KCTD3: variants seen among roughly 807,000 people sequenced by gnomAD.
KCTD3 encodes potassium channel tetramerization domain containing 3, also known as BTB/POZ domain-containing protein KCTD3.
In KCTD3, 41 loss-of-function variants were observed where a neutral mutation model predicts 85.8. The observed-to-expected ratio is 0.48, with a 90% CI of 0.37 to 0.62. The LOEUF (loss-of-function observed/expected upper bound fraction) is 0.62. Among genes scored for constraint, KCTD3 ranks in the 20% least tolerant of loss-of-function variants. KCTD3 has a pLI of 0.00. For synonymous variants in KCTD3, 338 were observed against 345.4 expected, an observed-to-expected ratio of 0.98 and a Z score of 0.24; for missense variants, 724 against 989.9, an observed-to-expected ratio of 0.73 and a Z score of 3.60.
rs1472506382 is a variant in KCTD3, at chr1:215,604,180, C to T, written c.1187C>T (p.Ala396Val). 4 of 1,613,458 alleles carry T rather than the reference C, an allele frequency of 2.5e-6. No homozygotes were observed. The highest frequency in any genetic ancestry group is 2.2e-5 in the East Asian group (1 of 44,870). ...IEIAYGTSSG[A>V]VRVIVQHPET... is the part of the protein sequence containing the mutation. ...ATCGCCTATGGTACGAGCTCTGGAGCAGTACGAGTGATTGTACAACACCCA... is the reference window on the plus strand; with the variant it reads ...ATCGCCTATGGTACGAGCTCTGGAGTAGTACGAGTGATTGTACAACACCCA... Residue 396 changes from alanine (A) to valine (V), a missense_variant, in exon 13 of 18, where the codon GCA becomes GTA. Physicochemically the swap from Ala to Val is moderately conservative, Grantham distance 64 (BLOSUM62 0). This residue lies in a region of KCTD3 where 146 missense variants were observed against 320.3 expected (regional missense o/e 0.46). Coordinates refer to ENST00000259154, the MANE Select transcript of KCTD3 (RefSeq NM_016121.5).
Position 215,592,743 on chromosome 1 carries a change from G to A in KCTD3, c.818-2613G>A, listed in dbSNP as rs115166450. On this transcript the variant is annotated intron_variant, in intron 9 of 17. Transcript: ENST00000259154. Reference sequence around the variant, plus strand: ...ATGACAACACTATCCAAAGAAAATTGTTAGGGCTGGTATATCCATGATAAA... The same window carrying A: ...ATGACAACACTATCCAAAGAAAATTATTAGGGCTGGTATATCCATGATAAA... 5.8e-3 allele frequency among the ~76,000 whole-genome samples: 886 copies of A among 152,274 alleles called. 5 individuals are homozygous for A. The highest frequency in any genetic ancestry group is 0.02 in the African/African-American group (843 of 41,550).
intron 15 of KCTD3, among the ~76,000 whole-genome samples, chr1:215,613,565 A>G (rs1406293558): frequency 6.6e-6 from 1 of 152,008 alleles, no homozygotes; most frequent in East Asian, 1.9e-4. Flanking sequence ...TTGTCATGAG[A>G]TCTTTGCCAG....
chr1:215,585,091 A>T (rs912179299), intron 8 of KCTD3, among the ~76,000 whole-genome samples: 10 of 152,166 alleles, frequency 6.6e-5, no homozygotes, highest in African/African-American at 2.2e-4. Flanking sequence ...CCAGACCCCC[A>T]AAAAAGAGTT....
At chr1:215,570,917 G>A (rs1659333736) in intron 1 of KCTD3, among the ~76,000 whole-genome samples, 1 of 152,154 alleles carries the variant, frequency 6.6e-6, no homozygotes, top group African/African-American at 2.4e-5. Flanking sequence ...GTAATTTTAA[G>A]TGTGTTAGTT....
At chr1:215,593,170 G>A (rs1466633470) in intron 9 of KCTD3, among the ~76,000 whole-genome samples, 2 of 152,056 alleles carry the variant, frequency 1.3e-5, no homozygotes, top group Non-Finnish European at 2.9e-5. Context: ...TGTATACAAC[G>A]TAAAATAATG....
At chr1:215,582,962 T>C in intron 8 of KCTD3, among the ~76,000 whole-genome samples, 1 of 152,206 alleles carries the variant, frequency 6.6e-6, no homozygotes, top group Non-Finnish European at 1.5e-5. Context: ...TCACATATCT[T>C]ATTAAGAGTT....
At chr1:215,603,889 G>T (rs1348238208) in intron 12 of KCTD3, among the ~76,000 whole-genome samples, 2 of 152,160 alleles carry the variant, frequency 1.3e-5, no homozygotes, top group African/African-American at 4.8e-5. Context: ...GAACCTAATA[G>T]TGCAAGGCAG....
In KCTD3 at chr1:215,620,452, G is replaced by A; in HGVS notation, c.2282G>A (p.Gly761Glu). Residue 761 changes from glycine to glutamate, a missense_variant, in exon 18 of 18, where the codon GGG becomes GAG. Coordinates refer to ENST00000259154, the MANE Select transcript of KCTD3 (RefSeq NM_016121.5). Reference protein sequence around the residue: ...IEFRKKGGFEGGGFLGRKKVP... With the variant: ...IEFRKKGGFEEGGFLGRKKVP... ...TTTAGGAAGAAAGGAGGATTTGAAG[G>A]GGGAGGATTCCTTGGAAGAAAGAAA... 6.2e-7 allele frequency: 1 copy of A among 1,613,734 alleles called. No homozygotes were observed. Among genetic ancestry groups the A allele is most frequent in the Non-Finnish European group, 8.5e-7 (1 of 1,179,738 alleles).
intron 10 of KCTD3, among the ~76,000 whole-genome samples, 170 bp from the exon 11 acceptor site, chr1:215,601,697 G>A (rs1303530656): frequency 6.6e-6 from 1 of 152,210 alleles, no homozygotes; most frequent in Non-Finnish European, 1.5e-5. Flanking sequence ...TAGCATGTTT[G>A]TGTATATGTG....
intron 1 of KCTD3, among the ~76,000 whole-genome samples, chr1:215,572,315 A>G (rs1659398832): frequency 6.6e-6 from 1 of 152,228 alleles, no homozygotes; most frequent in South Asian, 2.1e-4. Flanking sequence ...TTTAAGAAAA[A>G]ACAACATCTA....
intron 12 of KCTD3, among the ~76,000 whole-genome samples, chr1:215,603,476 G>A (rs1654908158): frequency 6.6e-6 from 1 of 152,102 alleles, no homozygotes; most frequent in Non-Finnish European, 1.5e-5. Context: ...AAAAGACACA[G>A]CTGAACCTTA....
At chr1:215,578,303 C>T (rs1659667301) in intron 6 of KCTD3, among the ~76,000 whole-genome samples, 1 of 152,080 alleles carries the variant, frequency 6.6e-6, no homozygotes, top group Non-Finnish European at 1.5e-5. Context: ...TTTTGTGAGC[C>T]AGAGGATCTC....
At chr1:215,591,838 G>C (rs1660239631) in intron 9 of KCTD3, among the ~76,000 whole-genome samples, 1 of 152,158 alleles carries the variant, frequency 6.6e-6, no homozygotes, top group Non-Finnish European at 1.5e-5. Context: ...GAAATCATCT[G>C]TCTTTATTTG....
Position 215,620,880 on chromosome 1 carries a change from T to A in KCTD3, c.*262T>A. The stretch of plus-strand genomic sequence containing the variant: ...CCATTTTAACACTTACCGACTTTTT[T>A]TGGTTTGGAAACATATTACCACGTC... On this transcript the variant is annotated 3_prime_UTR_variant, in exon 18 of 18. Coordinates refer to ENST00000259154, the MANE Select transcript of KCTD3 (RefSeq NM_016121.5). 1 of 429,648 alleles carries A rather than the reference T, an allele frequency of 2.3e-6. No homozygotes were observed. The highest frequency in any genetic ancestry group is 4.1e-6 in the Non-Finnish European group (1 of 245,102). The allele number at this position is 429,648 out of a possible 1,614,324, so 26.6% of individuals were successfully genotyped here. A position where few individuals can be genotyped will look rare whatever the true frequency, so the allele number is the denominator to read the frequency against.
chr1:215,573,138 C>G (rs553931159), intron 1 of KCTD3, among the ~76,000 whole-genome samples: 8 of 152,232 alleles, frequency 5.3e-5, no homozygotes, highest in East Asian at 1.9e-4. Context: ...TGAATGAAGT[C>G]AGCAGTTGCA....
rs574044088 is a variant in KCTD3 at position 215,608,686 on chromosome 1, G to C, written c.1465+514G>C. Among the ~76,000 whole-genome samples, 34 of 151,884 alleles carry C rather than the reference G, an allele frequency of 2.2e-4. 2 individuals are homozygous for C. In the South Asian group the frequency reaches 6.2e-3, roughly 28 times the overall value. The stretch of plus-strand genomic sequence containing the variant: ...TTTTCTCTCTATACACCATACATAC[G>C]TGTGCACATGGGCACTCACACATCC... On this transcript the variant is annotated intron_variant, in intron 14 of 17. Coordinates refer to ENST00000259154, the MANE Select transcript of KCTD3 (RefSeq NM_016121.5).
At chr1:215,590,873 G>T (rs1338536046) in intron 9 of KCTD3, among the ~76,000 whole-genome samples, 1 of 152,118 alleles carries the variant, frequency 6.6e-6, no homozygotes, top group East Asian at 1.9e-4. Context: ...ACTTGTGTGT[G>T]ATACATTTTG....
chr1:215,591,629 C>T (rs1238599185), intron 9 of KCTD3, among the ~76,000 whole-genome samples: 2 of 152,146 alleles, frequency 1.3e-5, no homozygotes, highest in Non-Finnish European at 2.9e-5. Flanking sequence ...GCTGGGATTA[C>T]AGGCGTGAGC....
Position 215,620,544 on chromosome 1 carries a change from C to G in KCTD3, c.2374C>G (p.Pro792Ala). The change falls in exon 18 of 18, where the codon CCA becomes GCA. Residue 792 changes from proline to alanine, a missense_variant. Pro to Ala is a conservative substitution (Grantham distance 27, BLOSUM62 -1). Coordinates refer to ENST00000259154, the MANE Select transcript of KCTD3 (RefSeq NM_016121.5). ...AACTGACTCACCTGGTACTGCGTCC[C>G]CATCTCCTACAAAGACTACTCCATC... ...GGTDSPGTAS[P>A]SPTKTTPSPR... The G allele has an allele frequency of 6.2e-7, 1 of 1,613,750 alleles. No individual in the cohort carries two copies. Among genetic ancestry groups the G allele is most frequent in the East Asian group, 2.2e-5 (1 of 44,862 alleles).
Sources: allele counts gnomAD v4.1 joint callset (sites outside exome capture counted in the v4.1 genomes callset), GRCh38; gene constraint gnomAD v4.1.1; regional missense constraint gnomAD v4.1.1; transcripts MANE v1.5; gene names NCBI Gene and HGNC (gene_info 2026-07-23, HGNC 2026-07-21).